Variants in FEZ1 observed in about 807,000 individuals in gnomAD.
FEZ1 encodes the protein fasciculation and elongation protein zeta-1.
In FEZ1, 20 loss-of-function variants were observed where a neutral mutation model predicts 49.3. That is an observed-to-expected ratio of 0.41 (90% CI 0.29 to 0.59). The LOEUF (loss-of-function observed/expected upper bound fraction) is 0.59, where lower values mean the gene tolerates loss of function less well. Among genes scored for constraint, FEZ1 ranks in the 20% least tolerant of loss-of-function variants. The pLI is 0.36. For synonymous variants in FEZ1, 170 were observed against 180.9 expected, an observed-to-expected ratio of 0.94 and a Z score of 0.48; for missense variants, 413 against 476.0, an observed-to-expected ratio of 0.87 and a Z score of 1.23.
chr11:125,470,299 A>C (rs1957173698), intron 3 of FEZ1, among the ~76,000 whole-genome samples: 2 of 152,228 alleles, frequency 1.3e-5, no homozygotes, highest in Admixed American at 1.3e-4. Context: ...ATTCTGTAAA[A>C]ACTGGAAAGG....
Position 125,495,733 on chromosome 11 carries a change from C to T in FEZ1, c.-46+388G>A, listed in dbSNP as rs1289174064. 1.4e-5 allele frequency: 4 copies of T among 283,660 alleles called. No individual in the cohort carries two copies. Among genetic ancestry groups the T allele is most frequent in the Non-Finnish European group, 2.6e-5 (4 of 153,402 alleles). The allele number at this position is 283,660 out of a possible 1,614,324, so 17.6% of individuals were successfully genotyped here. On this transcript the variant is annotated intron_variant, in intron 1 of 9. Transcript: ENST00000278919. This position sits in a 1 kb window ranked among gnomAD's most constrained non-coding sequence, Gnocchi z 4.2. ...CGCGATCGGGCGGCGTTCCCTTCTT[C>T]CCCCAGCCCCCATACCTCGCCGCCC...
rs748399440 is a variant in FEZ1 at position 125,446,119 on chromosome 11, G to A, written c.1163-8C>T. 8.1e-6 allele frequency: 13 copies of A among 1,613,856 alleles called. No individual in the cohort carries two copies. Among genetic ancestry groups the A allele is most frequent in the East Asian group, 2.2e-5 (1 of 44,876 alleles). On this transcript the variant is annotated splice_region_variant and splice_polypyrimidine_tract_variant and intron_variant, in intron 9 of 9. Transcript: ENST00000278919. ...GTTAGGTAGGGCAGAGCACTGCAAC[G>A]AGAAGAGAGGAGGGGAGAGCGGTCA...
chr11:125,449,017 G>A (rs531310176), intron 8 of FEZ1, among the ~76,000 whole-genome samples: 3 of 152,192 alleles, frequency 2.0e-5, no homozygotes, highest in Admixed American at 6.5e-5. Flanking sequence ...TTTGTCTCTA[G>A]GTAGTGGACC....
Position 125,446,061 on chromosome 11 carries a change from ACCT to A in FEZ1, c.*31_*33del, listed in dbSNP as rs1234180960. 6.2e-7 allele frequency: 1 copy of A among 1,607,926 alleles called. No individual in the cohort carries two copies. Among genetic ancestry groups the A allele is most frequent in the East Asian group, 2.2e-5 (1 of 44,844 alleles). ...GTGATGGAATGACTCTTGCTCAGTGACCTCCTGCAGCGAGGCTGCTCCAAAGGG... is the reference window on the plus strand; with the variant it reads ...GTGATGGAATGACTCTTGCTCAGTGACCTGCAGCGAGGCTGCTCCAAAGGG... On this transcript the variant is annotated 3_prime_UTR_variant, in exon 10 of 10. Coordinates refer to ENST00000278919, the MANE Select transcript of FEZ1 (RefSeq NM_005103.5).
Position 125,455,974 on chromosome 11 carries a change from T to C in FEZ1, c.800A>G (p.Lys267Arg), listed in dbSNP as rs1957006800. The change falls in exon 6 of 10, where the codon AAG becomes AGG. Residue 267 changes from lysine to arginine, a missense_variant. Lys to Arg is a conservative substitution (Grantham distance 26). Coordinates refer to ENST00000278919, the MANE Select transcript of FEZ1 (RefSeq NM_005103.5). ...AATAAGCACCGTGATAAAGGAGTTC[T>C]TCACTTCCTTCTCAAACTCCAGCTC... is the stretch of plus-strand genomic sequence containing the variant. Reference protein sequence around the residue: ...RDELEFEKEVKNSFITVLIEV... With the variant: ...RDELEFEKEVRNSFITVLIEV... The C allele has an allele frequency of 1.2e-6, 2 of 1,613,568 alleles. No homozygotes were observed. Among genetic ancestry groups the C allele is most frequent in the African/African-American group, 1.3e-5 (1 of 74,914 alleles).
Position 125,443,176 on chromosome 11 carries a change from G to A in FEZ1, c.*2919C>T, listed in dbSNP as rs1565528183. On this transcript the variant is annotated 3_prime_UTR_variant, in exon 10 of 10. Transcript: ENST00000278919. ...CTAGGAGGGCTCCCTGCAGACCGTG[G>A]CTCTCTGGCACACTTTGCGGAGTGC... 6.6e-6 allele frequency among the ~76,000 whole-genome samples: 1 copy of A among 152,188 alleles called. No homozygotes were observed. The highest frequency in any genetic ancestry group is 2.4e-5 in the African/African-American group (1 of 41,436).
chr11:125,486,059 A>G (rs1957324229), intron 2 of FEZ1, among the ~76,000 whole-genome samples: 1 of 152,222 alleles, frequency 6.6e-6, no homozygotes, highest in African/African-American at 2.4e-5. Context: ...TATAACCTCT[A>G]AAAAGAGAAT....
At chr11:125,472,876 T>C (rs1957195308) in intron 3 of FEZ1, among the ~76,000 whole-genome samples, 1 of 152,156 alleles carries the variant, frequency 6.6e-6, no homozygotes, top group Non-Finnish European at 1.5e-5. Context: ...TGAAAACCAA[T>C]TAATGTAATT....
chr11:125,493,402 GA>G (rs1565306859), intron 1 of FEZ1, among the ~76,000 whole-genome samples: 33 of 68,410 alleles, frequency 4.8e-4, no homozygotes, highest in East Asian at 1.5e-3. Context: ...AAGAAAGAAA[GA>G]AAGAAAGAAA....
intron 3 of FEZ1, among the ~76,000 whole-genome samples, chr11:125,475,354 A>C (rs931205206): frequency 1.1e-4 from 17 of 151,866 alleles, no homozygotes; most frequent in African/African-American, 3.6e-4. Flanking sequence ...ATTCTATGTC[A>C]CTAGAGAAAA....
chr11:125,476,084 C>T lies in FEZ1; in HGVS notation c.411+5450G>A, dbSNP rs114996176. On this transcript the variant is annotated intron_variant, in intron 3 of 9. Coordinates refer to ENST00000278919, the MANE Select transcript of FEZ1 (RefSeq NM_005103.5). Reference sequence around the variant, plus strand: ...TGCATGATTCCATTCATGCAAAATTCTAGAAAATGAAAACTAATCTACAAC... The same window carrying T: ...TGCATGATTCCATTCATGCAAAATTTTAGAAAATGAAAACTAATCTACAAC... Among the ~76,000 whole-genome samples, 325 of 152,242 alleles carry T rather than the reference C, an allele frequency of 2.1e-3. 1 individual carries two copies. The highest frequency in any genetic ancestry group is 7.4e-3 in the African/African-American group (308 of 41,554).
At chr11:125,481,683 G>T (rs147641422) in intron 2 of FEZ1, 50 bp from the exon 3 acceptor site, 3 of 1,292,260 alleles carry the variant, frequency 2.3e-6, no homozygotes, top group South Asian at 1.2e-5. Context: ...GCCTGGCCCC[G>T]CCTGGAGGAA....
chr11:125,491,572 A>G (rs954238511), intron 1 of FEZ1, among the ~76,000 whole-genome samples: 2 of 152,160 alleles, frequency 1.3e-5, no homozygotes, highest in Admixed American at 1.3e-4. Flanking sequence ...TTCGGTCTAT[A>G]GGGTTATTGA....
Position 125,448,548 on chromosome 11 carries a change from C to T in FEZ1, c.1116G>A (p.Glu372=), listed in dbSNP as rs1956918497. The change falls in exon 9 of 10, where the codon GAG becomes GAA. Residue 372 remains glutamate (E), a synonymous_variant. Coordinates refer to ENST00000278919, the MANE Select transcript of FEZ1 (RefSeq NM_005103.5). ...GCAAAGTAGGCACCTTCTCATTATC[C>T]TCCTTCATGGCAAAGAGAACTAGGA... is the stretch of plus-strand genomic sequence containing the variant. ...MLTNILFAMK[E]DNEKVPTLLT... is the part of the protein sequence containing the mutation. The T allele has an allele frequency of 1.2e-6, 2 of 1,611,570 alleles. No individual in the cohort carries two copies. The highest frequency in any genetic ancestry group is 1.7e-6 in the Non-Finnish European group (2 of 1,177,692).
intron 3 of FEZ1, among the ~76,000 whole-genome samples, chr11:125,472,722 A>G (rs1957194240): frequency 6.6e-6 from 1 of 152,206 alleles, no homozygotes; most frequent in Non-Finnish European, 1.5e-5. Flanking sequence ...TTATGACATT[A>G]GAACAAAATA....
At chr11:125,485,924 C>A (rs1446148871) in intron 2 of FEZ1, among the ~76,000 whole-genome samples, 1 of 152,156 alleles carries the variant, frequency 6.6e-6, no homozygotes, top group Admixed American at 6.5e-5. Flanking sequence ...CCAGCCTGGG[C>A]AACAGAGTGA....
chr11:125,465,930 C>T (rs909203820), intron 3 of FEZ1, among the ~76,000 whole-genome samples: 1 of 152,204 alleles, frequency 6.6e-6, no homozygotes, highest in Non-Finnish European at 1.5e-5. Context: ...AGACTCCTTC[C>T]CTCCCCTCCT....
intron 9 of FEZ1, among the ~76,000 whole-genome samples, chr11:125,446,542 A>G (rs1420052183): frequency 1.3e-5 from 2 of 152,252 alleles, no homozygotes; most frequent in African/African-American, 2.4e-5. Flanking sequence ...CCAAATTTAT[A>G]TAACCTGTTT....
chr11:125,450,899 T>C (rs1956948759), intron 8 of FEZ1, among the ~76,000 whole-genome samples: 1 of 152,210 alleles, frequency 6.6e-6, no homozygotes, highest in South Asian at 2.1e-4. Flanking sequence ...TTGTTTGCTT[T>C]TCCTTATTTC....
Sources: gnomAD v4.1 joint callset for allele counts (sites outside exome capture counted in the v4.1 genomes callset) on GRCh38, gnomAD v4.1.1 for gene constraint, Gnocchi (gnomAD v3.1) non-coding constraint, MANE v1.5 for transcripts, NCBI Gene and HGNC (gene_info 2026-07-23, HGNC 2026-07-21) for gene names.